The following OTUD7A variants were observed in gnomAD, a reference collection of about 807,000 sequenced individuals.
OTUD7A encodes the protein OTU deubiquitinase 7A, also known as OTU domain-containing protein 7A.
In OTUD7A, 12 loss-of-function variants were observed where a neutral mutation model predicts 65.7. That is an observed-to-expected ratio of 0.18 (90% CI 0.12 to 0.30). The LOEUF (loss-of-function observed/expected upper bound fraction) is 0.30. Ranked by LOEUF, OTUD7A falls within the 10% of genes least tolerant of loss-of-function variation. OTUD7A has a pLI of 1.00. For missense variants in OTUD7A, 1,148 were observed against 1,304.8 expected, an observed-to-expected ratio of 0.88 and a Z score of 1.85; for synonymous variants, 641 against 586.3, an observed-to-expected ratio of 1.09 and a Z score of -1.35.
intron 4 of OTUD7A, among the ~76,000 whole-genome samples, chr15:31,568,291 C>G (rs1888940154): frequency 6.6e-6 from 1 of 152,232 alleles, no homozygotes; most frequent in Non-Finnish European, 1.5e-5. Flanking sequence ...GACATGGAGT[C>G]AAAGGAGATT....
intron 8 of OTUD7A, among the ~76,000 whole-genome samples, chr15:31,509,622 G>A (rs2041646226): frequency 6.6e-6 from 1 of 151,570 alleles, no homozygotes; most frequent in Non-Finnish European, 1.5e-5. Flanking sequence ...TTTTAATGTA[G>A]GTAAAAATTC....
intron 1 of OTUD7A, among the ~76,000 whole-genome samples, chr15:31,833,537 T>C (rs1896985464): frequency 6.6e-6 from 1 of 152,268 alleles, no homozygotes; most frequent in African/African-American, 2.4e-5. Flanking sequence ...GGTATTTATT[T>C]GCTTCCTATT....
chr15:31,862,736 C>T lies in OTUD7A; in HGVS notation c.-100+7771G>A, dbSNP rs1897777918. The stretch of plus-strand genomic sequence containing the variant: ...TCAAGTTGAGATTTGGGTGAGGACA[C>T]AGCCAAACCATATCATTACGCCCCT... On this transcript the variant is annotated intron_variant, in intron 1 of 12. Coordinates refer to ENST00000307050, the MANE Select transcript of OTUD7A (RefSeq NM_001382637.1). Among the ~76,000 whole-genome samples the T allele has an allele frequency of 2.0e-5, 3 of 152,152 alleles. No individual in the cohort carries two copies. The East Asian group carries it at 5.8e-4, about 29-fold the overall frequency.
chr15:31,570,146 T>C lies in OTUD7A; in HGVS notation c.203A>G (p.Gln68Arg). 1 of 1,614,202 alleles carries C rather than the reference T, an allele frequency of 6.2e-7. No homozygotes were observed. The highest frequency in any genetic ancestry group is 8.5e-7 in the Non-Finnish European group (1 of 1,180,028). ...ATGTGGCAGATTGGCTGTGTGCACC[T>C]GGCGGAGCTGCTCATAGTCGCTCAG... ...AALSDYEQLR[Q>R]VHTANLPHVF... The change falls in exon 4 of 13, where the codon CAG (glutamine) becomes CGG (arginine). Residue 68 changes from glutamine (Q) to arginine (R), a missense_variant. By Grantham distance (43) the Gln-to-Arg change is conservative. Around this residue, in one of 6 missense-constraint regions of OTUD7A, gnomAD observed 51 missense variants for 46.9 expected, o/e 1.09. Coordinates refer to ENST00000307050, the MANE Select transcript of OTUD7A (RefSeq NM_001382637.1).
chr15:31,848,679 C>A (rs147694101), intron 1 of OTUD7A, among the ~76,000 whole-genome samples: 276 of 152,294 alleles, frequency 1.8e-3, no homozygotes, highest in Middle Eastern at 0.01. Flanking sequence ...ATTTTTTAAT[C>A]TCGTTGATAG....
chr15:31,629,167 T>C (rs1891060719), intron 3 of OTUD7A, among the ~76,000 whole-genome samples: 1 of 152,200 alleles, frequency 6.6e-6, no homozygotes, highest in Non-Finnish European at 1.5e-5. Context: ...CCCTGTCTTA[T>C]GCCAGTTTTC....
chr15:31,508,998 T>C (rs2041630008), intron 8 of OTUD7A, among the ~76,000 whole-genome samples: 1 of 152,252 alleles, frequency 6.6e-6, no homozygotes, highest in African/African-American at 2.4e-5. Context: ...ATAATGCTTT[T>C]TGTATGATTT....
At chr15:31,548,510 T>C (rs1888210197) in intron 5 of OTUD7A, among the ~76,000 whole-genome samples, 1 of 151,900 alleles carries the variant, frequency 6.6e-6, no homozygotes. Context: ...ATGGGCAGGA[T>C]GAGGACATTT....
chr15:31,495,950 C>T (rs1229565648), intron 10 of OTUD7A, among the ~76,000 whole-genome samples: 2 of 151,592 alleles, frequency 1.3e-5, no homozygotes, highest in African/African-American at 2.4e-5. Context: ...CCTGTAGTCC[C>T]ACCTACTCGG....
chr15:31,835,078 T>C (rs1180139824), intron 1 of OTUD7A, among the ~76,000 whole-genome samples: 2 of 152,248 alleles, frequency 1.3e-5, no homozygotes, highest in African/African-American at 2.4e-5. Context: ...TGCCAGCCTG[T>C]TCATCTGCCA....
chr15:31,589,303 G>GT lies in OTUD7A; in HGVS notation c.152-19107dup, dbSNP rs36091159. Among the ~76,000 whole-genome samples, 399 of 141,240 alleles carry GT rather than the reference G, an allele frequency of 2.8e-3. 2 individuals are homozygous for GT. Among genetic ancestry groups the GT allele is most frequent in the East Asian group, 0.027 (133 of 4,882 alleles). 92.7% of individuals were successfully genotyped at this position (141,240 alleles called of 152,430 possible). On this transcript the variant is annotated intron_variant, in intron 3 of 12. Transcript: ENST00000307050. Reference sequence around the variant, plus strand: ...TTATTTTCTCATTTTGTTTTTCTGGGTTTTTTTTTTTTTTGAGACAGGGTC... The same window carrying GT: ...TTATTTTCTCATTTTGTTTTTCTGGGTTTTTTTTTTTTTTTGAGACAGGGTC...
chr15:31,782,099 C>T (rs1645854560), intron 1 of OTUD7A, among the ~76,000 whole-genome samples: 1 of 152,208 alleles, frequency 6.6e-6, no homozygotes, highest in South Asian at 2.1e-4. Context: ...TAGGGGTGTC[C>T]TCAGACGTGA....
intron 1 of OTUD7A, among the ~76,000 whole-genome samples, chr15:31,743,839 G>T (rs1053449895): frequency 6.6e-6 from 1 of 152,018 alleles, no homozygotes; most frequent in African/African-American, 2.4e-5. Context: ...CACCTAGCAA[G>T]ACTGATGAAA....
At chr15:31,846,601 C>T (rs1897298331) in intron 1 of OTUD7A, among the ~76,000 whole-genome samples, 4 of 152,148 alleles carry the variant, frequency 2.6e-5, no homozygotes, top group African/African-American at 9.7e-5. Flanking sequence ...ACCTCCGCAG[C>T]AAAGCCATGG....
chr15:31,730,216 C>T (rs1249215882), intron 1 of OTUD7A, among the ~76,000 whole-genome samples: 1 of 152,200 alleles, frequency 6.6e-6, no homozygotes, highest in African/African-American at 2.4e-5. Flanking sequence ...TATTCTTGGA[C>T]TTCCCAGCCT....
intron 1 of OTUD7A, among the ~76,000 whole-genome samples, chr15:31,820,548 T>C (rs1896652657): frequency 6.6e-6 from 1 of 152,200 alleles, no homozygotes; most frequent in South Asian, 2.1e-4. Flanking sequence ...ATTTTAATCC[T>C]AGTAACAAGA....
At chr15:31,592,605 G>A (rs558453274) in intron 3 of OTUD7A, among the ~76,000 whole-genome samples, 11 of 151,932 alleles carry the variant, frequency 7.2e-5, no homozygotes, top group African/African-American at 2.4e-4. Context: ...AAGTAGGGCC[G>A]CGCGGTGGCT....
intron 1 of OTUD7A, among the ~76,000 whole-genome samples, chr15:31,676,156 T>C (rs2654135): frequency 5.5e-4 from 84 of 152,078 alleles, no homozygotes; most frequent in African/African-American, 1.8e-3. Context: ...CACATGGACC[T>C]GTGGAGGAGA....
chr15:31,678,762 C>T (rs572902184), intron 1 of OTUD7A, among the ~76,000 whole-genome samples: 10 of 152,354 alleles, frequency 6.6e-5, no homozygotes, highest in African/African-American at 2.2e-4. Flanking sequence ...CATGAAGAAC[C>T]TCTGCTAGGG....
Sources: allele counts gnomAD v4.1 joint callset (sites outside exome capture counted in the v4.1 genomes callset), GRCh38; gene constraint gnomAD v4.1.1; regional missense constraint gnomAD v4.1.1; transcripts MANE v1.5; gene names NCBI Gene and HGNC (gene_info 2026-07-23, HGNC 2026-07-21).